The following RALGAPA1 variants were observed in gnomAD, a reference collection of about 807,000 sequenced individuals.
The protein encoded by RALGAPA1 is ral GTPase-activating protein subunit alpha-1.
Under a neutral mutation model 269.6 loss-of-function variants are expected in RALGAPA1, and 52 were observed. The ratio of observed to expected loss-of-function variants is 0.19; its 90% CI spans 0.15 to 0.24. The LOEUF is 0.24. RALGAPA1 is among the 10% of genes least tolerant of loss of function. The pLI, the probability that RALGAPA1 is intolerant of heterozygous loss-of-function variation, is 1.00. For missense variants in RALGAPA1, 1,917 were observed against 3,013.9 expected (o/e 0.64, Z 8.52); for synonymous variants, 817 against 1,008.3 (o/e 0.81, Z 3.60).
intron 6 of RALGAPA1, among the ~76,000 whole-genome samples, chr14:35,758,878 T>C (rs1595454190): frequency 6.6e-6 from 1 of 151,882 alleles, no homozygotes; most frequent in Non-Finnish European, 1.5e-5. Flanking sequence ...TTTTGGGAGG[T>C]TAAGGTGGGA....
Position 35,752,174 on chromosome 14 carries a change from T to C in RALGAPA1, c.664-12A>G. The C allele has an allele frequency of 1.3e-6, 2 of 1,514,620 alleles. No individual in the cohort carries two copies. The highest frequency in any genetic ancestry group is 1.8e-6 in the Non-Finnish European group (2 of 1,130,214). 93.8% of individuals were successfully genotyped at this position (1,514,620 alleles called of 1,614,324 possible). A position where few individuals can be genotyped will look rare whatever the true frequency, so the allele number is the denominator to read the frequency against. ...TCTAAACTTTTTACCTAAAAATAAA[T>C]TATATAATTAGAATCATTCCAGAAG... On this transcript the variant is annotated splice_polypyrimidine_tract_variant and intron_variant, in intron 7 of 41. Coordinates refer to ENST00000680220, the MANE Select transcript of RALGAPA1 (RefSeq NM_001346249.2).
rs760032820 is a variant in RALGAPA1 at position 35,605,652 on chromosome 14, G to C, written c.6987C>G (p.His2329Gln). 3 of 1,611,538 alleles carry C rather than the reference G, an allele frequency of 1.9e-6. No homozygotes were observed. The highest frequency in any genetic ancestry group is 2.5e-6 in the Non-Finnish European group (3 of 1,179,172). The change falls in exon 36 of 42, where the codon CAC becomes CAG. Residue 2329 changes from histidine to glutamine, a missense_variant. Coordinates refer to ENST00000680220, the MANE Select transcript of RALGAPA1 (RefSeq NM_001346249.2). The stretch of plus-strand genomic sequence containing the variant: ...TTCCTCCTGTATTGGTGAGAATGGA[G>C]TGTTTGTCTTCTTGTCCTTCAGCAA... ...FYVAEGQEDK[H>Q]SILTNTGGSQ... is the part of the protein sequence containing the mutation.
intron 3 of RALGAPA1, among the ~76,000 whole-genome samples, chr14:35,773,214 AC>A (rs1213229241): frequency 6.6e-6 from 1 of 152,146 alleles, no homozygotes; most frequent in Non-Finnish European, 1.5e-5. Flanking sequence ...CCTAAACTGC[AC>A]AGAATATAAA....
At chr14:35,733,577 C>G (rs1288666158) in intron 12 of RALGAPA1, among the ~76,000 whole-genome samples, 1 of 152,032 alleles carries the variant, frequency 6.6e-6, no homozygotes, top group Non-Finnish European at 1.5e-5. Flanking sequence ...AAAGGTGGTG[C>G]TAAGAGGAAA....
chr14:35,541,040 ATTTTTTTTTTTT>A (rs559979336), intron 41 of RALGAPA1, among the ~76,000 whole-genome samples: 3 of 89,170 alleles, frequency 3.4e-5, no homozygotes, highest in South Asian at 8.3e-4. Context: ...GAACACTTCA[ATTTTTTTTTTTT>A]TTTTTTTTTT....
chr14:35,578,717 G>A (rs901278127), intron 37 of RALGAPA1, among the ~76,000 whole-genome samples: 1 of 152,174 alleles, frequency 6.6e-6, no homozygotes, highest in Admixed American at 6.5e-5. Flanking sequence ...CATAAAAATA[G>A]AATTATCTGC....
chr14:35,551,788 C>G (rs571969097), intron 39 of RALGAPA1, among the ~76,000 whole-genome samples: 2 of 151,700 alleles, frequency 1.3e-5, no homozygotes, highest in Non-Finnish European at 2.9e-5. Context: ...CACAGCTGCA[C>G]AAAACTAAAA....
intron 8 of RALGAPA1, 31 bp downstream of exon 8, chr14:35,751,993 G>T: frequency 6.4e-7 from 1 of 1,560,710 alleles, no homozygotes; most frequent in South Asian, 1.2e-5. Flanking sequence ...TCTTAAGTGT[G>T]ATCTTTCAGA....
intron 1 of RALGAPA1, among the ~76,000 whole-genome samples, chr14:35,786,364 G>A (rs898321656): frequency 6.6e-5 from 10 of 152,124 alleles, no homozygotes; most frequent in Non-Finnish European, 1.3e-4. Flanking sequence ...TACCAGCCAG[G>A]CGCGGTAGCT....
At chr14:35,723,336 C>A in intron 14 of RALGAPA1, 72 bp from the exon 15 acceptor site, 1 of 840,244 alleles carries the variant, frequency 1.2e-6, no homozygotes, top group Non-Finnish European at 1.8e-6. Flanking sequence ...ACATTCAATT[C>A]TTAAAAAAAT....
intron 4 of RALGAPA1, among the ~76,000 whole-genome samples, chr14:35,767,671 G>A (rs536876498): frequency 6.6e-6 from 1 of 152,282 alleles, no homozygotes; most frequent in African/African-American, 2.4e-5. Flanking sequence ...CTGGGCGACA[G>A]AGCAAGATTC....
At chr14:35,666,199 AAGACTTAT>A (rs2063921045) in intron 26 of RALGAPA1, among the ~76,000 whole-genome samples, 1 of 151,982 alleles carries the variant, frequency 6.6e-6, no homozygotes, top group Non-Finnish European at 1.5e-5. Flanking sequence ...AAAAATTTTA[AAGACTTAT>A]AAACAACAAG....
At chr14:35,649,301 T>A (rs1260492125) in intron 31 of RALGAPA1, among the ~76,000 whole-genome samples, 1 of 152,226 alleles carries the variant, frequency 6.6e-6, no homozygotes, top group Non-Finnish European at 1.5e-5. Flanking sequence ...CTTATAAAGA[T>A]GATTTTAATA....
intron 4 of RALGAPA1, chr14:35,766,352 T>C: frequency 3.8e-6 from 5 of 1,322,942 alleles, no homozygotes; most frequent in Non-Finnish European, 5.4e-6. Flanking sequence ...GTTTGACAAA[T>C]GTGAGCAAAC....
chr14:35,696,722 A>G (rs2066931004), intron 17 of RALGAPA1, among the ~76,000 whole-genome samples: 1 of 152,146 alleles, frequency 6.6e-6, no homozygotes, highest in African/African-American at 2.4e-5. Context: ...TAGATTGTCT[A>G]TGAGTCGTTT....
At position 35,689,692 on chromosome 14, in the gene RALGAPA1, T is replaced by C; in HGVS notation, c.2719A>G (p.Ile907Val). ...ATTAAATGACAAAGATGGTCATATATGCTATCACCAACTTCCAGAGAAGAC... is the reference window on the plus strand; with the variant it reads ...ATTAAATGACAAAGATGGTCATATACGCTATCACCAACTTCCAGAGAAGAC... ...RESSLEVGDS[I>V]YDHLCHLIGP... Residue 907 changes from isoleucine (I) to valine (V), a missense_variant, in exon 18 of 42, where the codon ATA becomes GTA. Around this residue, in one of 11 missense-constraint regions of RALGAPA1, gnomAD observed 615 missense variants for 790.0 expected, o/e 0.78. Transcript: ENST00000680220. 7.2e-7 allele frequency: 1 copy of C among 1,392,638 alleles called. No individual in the cohort carries two copies. Among genetic ancestry groups the C allele is most frequent in the Non-Finnish European group, 9.3e-7 (1 of 1,074,590 alleles). The allele number at this position is 1,392,638 out of a possible 1,614,324, so 86.3% of individuals were successfully genotyped here.
intron 19 of RALGAPA1, 56 bp from the exon 20 acceptor site, chr14:35,685,201 A>T: frequency 3.5e-6 from 5 of 1,439,344 alleles, no homozygotes; most frequent in Non-Finnish European, 4.7e-6. Context: ...CTCTTTAACC[A>T]TCTGAAACCT....
chr14:35,772,060 A>AT (rs981720085), intron 3 of RALGAPA1, among the ~76,000 whole-genome samples: 6 of 150,220 alleles, frequency 4.0e-5, no homozygotes, highest in African/African-American at 1.2e-4. Flanking sequence ...ATGAGAGCAA[A>AT]TTTTTTTTTT....
chr14:35,595,843 CAGAG>C, intron 36 of RALGAPA1, 54 bp from the exon 37 acceptor site: 5 of 1,424,382 alleles, frequency 3.5e-6, no homozygotes, highest in Non-Finnish European at 4.8e-6. Context: ...AAATACACTA[CAGAG>C]AAAGACTCAA....
Sources: gnomAD v4.1 joint callset for allele counts (sites outside exome capture counted in the v4.1 genomes callset) on GRCh38, gnomAD v4.1.1 for gene constraint, gnomAD v4.1.1 regional missense constraint, MANE v1.5 for transcripts, NCBI Gene and HGNC (gene_info 2026-07-23, HGNC 2026-07-21) for gene names.